Variants in DCC observed in about 807,000 individuals in gnomAD.
The protein encoded by DCC is netrin receptor DCC.
Under a neutral mutation model 172.5 loss-of-function variants are expected in DCC, and 58 were observed. That is an observed-to-expected ratio of 0.34 (90% CI 0.27 to 0.42). DCC has a LOEUF of 0.42. Among genes scored for constraint, DCC ranks in the 10% least tolerant of loss-of-function variants. The pLI is 1.00. For synonymous variants in DCC, 709 were observed against 644.5 expected (o/e 1.10, Z -1.52); for missense variants, 1,740 against 1,791.0 (o/e 0.97, Z 0.51).
chr18:53,405,808 A>C (rs548269928), intron 19 of DCC, among the ~76,000 whole-genome samples: 20 of 152,340 alleles, frequency 1.3e-4, no homozygotes, highest in African/African-American at 4.8e-4. Context: ...ATTCCATTTT[A>C]AAATGAAAAG....
At chr18:53,224,918 T>C (rs2056000218) in intron 12 of DCC, among the ~76,000 whole-genome samples, 2 of 152,252 alleles carry the variant, frequency 1.3e-5, no homozygotes, top group South Asian at 2.1e-4. Flanking sequence ...CCAGGAGATA[T>C]AAATTTAGGA....
intron 22 of DCC, among the ~76,000 whole-genome samples, chr18:53,441,220 T>A (rs1419717425): frequency 6.6e-6 from 1 of 151,978 alleles, no homozygotes; most frequent in Non-Finnish European, 1.5e-5. Flanking sequence ...AATAAATAAA[T>A]CAAGTGTCCC....
intron 5 of DCC, among the ~76,000 whole-genome samples, chr18:53,049,485 A>G (rs575349650): frequency 6.6e-6 from 1 of 151,910 alleles, no homozygotes; most frequent in South Asian, 2.1e-4. Flanking sequence ...AGTAGTAGTA[A>G]CTGGTGGTAA....
At chr18:53,248,610 A>G (rs892730105) in intron 12 of DCC, among the ~76,000 whole-genome samples, 6 of 152,142 alleles carry the variant, frequency 3.9e-5, no homozygotes, top group Middle Eastern at 3.4e-3. Context: ...GGCTCCTGTC[A>G]TGTGTGACAT....
chr18:52,634,699 G>C (rs562144986), intron 1 of DCC, among the ~76,000 whole-genome samples: 2 of 152,092 alleles, frequency 1.3e-5, no homozygotes, highest in African/African-American at 2.4e-5. Flanking sequence ...TAGTGGTAGA[G>C]ACCCATAAGA....
Position 52,925,312 on chromosome 18 carries a change from C to T in DCC, c.927C>T (p.Thr309=), listed in dbSNP as rs974419067. ...NVTDDDSGMY[T]CVVTYKNENI... ...CAGATGATGACAGTGGAATGTATACCTGTGTTGTCACATATAAAAATGAGA... is the reference window on the plus strand; with the variant it reads ...CAGATGATGACAGTGGAATGTATACTTGTGTTGTCACATATAAAAATGAGA... Residue 309 remains threonine, a synonymous_variant, in exon 5 of 29, where the codon ACC becomes ACT. Transcript: ENST00000442544. 2 of 1,612,166 alleles carry T rather than the reference C, an allele frequency of 1.2e-6. No homozygotes were observed. The highest frequency in any genetic ancestry group is 1.7e-6 in the Non-Finnish European group (2 of 1,178,670).
intron 5 of DCC, among the ~76,000 whole-genome samples, chr18:52,963,999 A>G (rs754381424): frequency 2.7e-4 from 41 of 152,184 alleles, no homozygotes; most frequent in Non-Finnish European, 4.7e-4. Flanking sequence ...AAACATGCAT[A>G]TTACAATCAC....
chr18:52,362,137 G>A (rs1434548536), intron 1 of DCC, among the ~76,000 whole-genome samples: 1 of 152,236 alleles, frequency 6.6e-6, no homozygotes, highest in Non-Finnish European at 1.5e-5. Flanking sequence ...TGAACCATGA[G>A]TTGCTTGAAG....
chr18:53,205,141 TTTTG>T (rs1378333797), intron 9 of DCC, 71 bp from the exon 10 acceptor site: 15 of 1,134,290 alleles, frequency 1.3e-5, no homozygotes, highest in Admixed American at 5.1e-5. Flanking sequence ...AAAAATGTAA[TTTTG>T]TTTGTTTTGA....
intron 1 of DCC, among the ~76,000 whole-genome samples, chr18:52,376,208 T>C (rs530654885): frequency 1.6e-4 from 24 of 152,290 alleles, no homozygotes; most frequent in African/African-American, 5.5e-4. Flanking sequence ...AAAAAGAACA[T>C]TGAGGTCCTC....
chr18:53,319,163 G>A (rs1249795580), intron 13 of DCC, among the ~76,000 whole-genome samples: 2 of 152,130 alleles, frequency 1.3e-5, no homozygotes, highest in East Asian at 1.9e-4. Flanking sequence ...AAAACATACC[G>A]AATTGTAAAG....
chr18:53,524,337 C>A (rs1431910273), intron 27 of DCC, among the ~76,000 whole-genome samples: 1 of 151,196 alleles, frequency 6.6e-6, no homozygotes. Flanking sequence ...GAAAACTGGG[C>A]GTGAATGACA....
At chr18:52,468,498 C>CA (rs1988852936) in intron 1 of DCC, among the ~76,000 whole-genome samples, 1 of 152,164 alleles carries the variant, frequency 6.6e-6, no homozygotes, top group Admixed American at 6.6e-5. Flanking sequence ...CCCATGCCTC[C>CA]AAGCAAAACT....
chr18:53,412,200 G>A (rs576839271), intron 20 of DCC, among the ~76,000 whole-genome samples: 1 of 152,070 alleles, frequency 6.6e-6, no homozygotes, highest in Admixed American at 6.6e-5. Context: ...TGACATAATG[G>A]TTCAAAGAGT....
In DCC at chr18:52,954,832, T is replaced by C. The variant is rs536975529; in HGVS notation, c.985+29462T>C. Among the ~76,000 whole-genome samples, 54 of 152,342 alleles carry C rather than the reference T, an allele frequency of 3.5e-4. 2 individuals are homozygous for C. The South Asian group carries it at 0.011, about 30-fold the overall frequency. On this transcript the variant is annotated intron_variant, in intron 5 of 28. Coordinates refer to ENST00000442544, the MANE Select transcript of DCC (RefSeq NM_005215.4). Reference sequence around the variant, plus strand: ...GTATAAATATTCTAATTTCAATTTCTCTAAGTCATAACTGAATACCAGCTT... The same window carrying C: ...GTATAAATATTCTAATTTCAATTTCCCTAAGTCATAACTGAATACCAGCTT...
chr18:53,352,246 A>G (rs910465263), intron 15 of DCC, among the ~76,000 whole-genome samples: 1 of 152,148 alleles, frequency 6.6e-6, no homozygotes, highest in Non-Finnish European at 1.5e-5. Context: ...TACAAGTGCC[A>G]GAGTTTAATC....
chr18:52,956,597 A>G (rs2040748803), intron 5 of DCC, among the ~76,000 whole-genome samples: 2 of 152,058 alleles, frequency 1.3e-5, no homozygotes, highest in African/African-American at 4.8e-5. Context: ...GCCTTTCCAT[A>G]TAAACTTTAG....
At chr18:52,383,678 C>G (rs1373636365) in intron 1 of DCC, among the ~76,000 whole-genome samples, 1 of 151,508 alleles carries the variant, frequency 6.6e-6, no homozygotes, top group Non-Finnish European at 1.5e-5. Context: ...TGTTGTTTTT[C>G]TAAAACACCT....
At chr18:53,375,255 C>T (rs1278354445) in intron 15 of DCC, among the ~76,000 whole-genome samples, 1 of 150,684 alleles carries the variant, frequency 6.6e-6, no homozygotes, top group Non-Finnish European at 1.5e-5. Flanking sequence ...ATAGTTCTTT[C>T]TGTTCATGTC....
Sources: allele counts gnomAD v4.1 joint callset (sites outside exome capture counted in the v4.1 genomes callset), GRCh38; gene constraint gnomAD v4.1.1; transcripts MANE v1.5; gene names NCBI Gene and HGNC (gene_info 2026-07-23, HGNC 2026-07-21).